Variants in NR1I2 observed in about 807,000 individuals in gnomAD.
NR1I2 encodes the protein nuclear receptor subfamily 1 group I member 2, also known as orphan nuclear receptor PAR1.
In NR1I2, 42 loss-of-function variants were observed where a neutral mutation model predicts 43.3. That is an observed-to-expected ratio of 0.97 (90% CI 0.76 to 1.26). The LOEUF is 1.26. Among genes scored for constraint, NR1I2 ranks in the 50% most tolerant of loss-of-function variants. The pLI, the probability that NR1I2 is intolerant of heterozygous loss-of-function variation, is 0.00. For missense variants in NR1I2, 559 were observed against 566.7 expected (o/e 0.99, Z 0.14); for synonymous variants, 229 against 215.0 (o/e 1.06, Z -0.57).
intron 5 of NR1I2, among the ~76,000 whole-genome samples, chr3:119,814,414 C>T (rs922223568): frequency 3.8e-4 from 58 of 152,130 alleles, no homozygotes; most frequent in African/African-American, 1.3e-3. Context: ...TGCAGGGAAA[C>T]AGTAGAAATA....
chr3:119,806,398 G>T (rs180785302), intron 1 of NR1I2, among the ~76,000 whole-genome samples: 1 of 152,024 alleles, frequency 6.6e-6, no homozygotes, highest in South Asian at 2.1e-4. Context: ...GATCCTCCCC[G>T]CTCAGCTTCC....
At chr3:119,816,077 T>G (rs1209408037) in intron 8 of NR1I2, among the ~76,000 whole-genome samples, 1 of 152,204 alleles carries the variant, frequency 6.6e-6, no homozygotes, top group African/African-American at 2.4e-5. Flanking sequence ...TGTGACCTAC[T>G]GCCCAGACTG....
At chr3:119,783,047 G>A (rs955467302) in intron 1 of NR1I2, among the ~76,000 whole-genome samples, 1 of 152,114 alleles carries the variant, frequency 6.6e-6, no homozygotes, top group Admixed American at 6.5e-5. Flanking sequence ...AGGCCACTGA[G>A]TCTTGACTCA....
intron 1 of NR1I2, among the ~76,000 whole-genome samples, chr3:119,804,107 C>T (rs1204205963): frequency 2.0e-5 from 3 of 151,052 alleles, no homozygotes; most frequent in Admixed American, 6.6e-5. Context: ...CACGGTGGCT[C>T]ACGCCTGTAA....
In NR1I2 at chr3:119,815,028, G is replaced by C. The variant is rs367648421; in HGVS notation, c.844G>C (p.Glu282Gln). ...CTCCCTGCTGAAGGGGGCCGCTTTC[G>C]AGCTGTGTCAACTGAGATTCAACAC... Residue 282 changes from glutamate to glutamine, a missense_variant, in exon 6 of 9, where the codon GAG (glutamate) becomes CAG (glutamine). Glu to Gln is a conservative substitution (Grantham distance 29). Coordinates refer to ENST00000393716, the MANE Select transcript of NR1I2 (RefSeq NM_003889.4). The C allele has an allele frequency of 6.2e-7, 1 of 1,614,184 alleles. No individual in the cohort carries two copies. Among genetic ancestry groups the C allele is most frequent in the Non-Finnish European group, 8.5e-7 (1 of 1,180,022 alleles).
At chr3:119,799,137 C>T (rs1188028220) in intron 1 of NR1I2, among the ~76,000 whole-genome samples, 1 of 152,186 alleles carries the variant, frequency 6.6e-6, no homozygotes, top group East Asian at 1.9e-4. Context: ...TAAGTGGCTG[C>T]ACCATTTTAC....
At chr3:119,794,603 G>T (rs1194132730) in intron 1 of NR1I2, among the ~76,000 whole-genome samples, 1 of 151,696 alleles carries the variant, frequency 6.6e-6, no homozygotes, top group Non-Finnish European at 1.5e-5. Flanking sequence ...GACATTAGAG[G>T]CATGAGCCCC....
At chr3:119,792,126 C>T (rs2054928412) in intron 1 of NR1I2, 17 of 795,022 alleles carry the variant, frequency 2.1e-5, no homozygotes, top group Admixed American at 6.9e-5. Flanking sequence ...CACTAGCCAG[C>T]TTCCTCGCAT....
rs1452514126 is a variant in NR1I2, at chr3:119,782,144, G to T, written c.-179G>T. On this transcript the variant is annotated 5_prime_UTR_variant, in exon 1 of 9. Transcript: ENST00000393716. ...CTCGGCCTCAGCCTGCAAGCCAAGT[G>T]TTCACAGTGAGAAAAGCAAGAGAAT... The T allele has an allele frequency of 4.6e-5, 7 of 152,514 alleles. No homozygotes were observed. The highest frequency in any genetic ancestry group is 1.7e-4 in the African/African-American group (7 of 41,458). 9.4% of individuals were successfully genotyped at this position (152,514 alleles called of 1,614,324 possible).
chr3:119,796,176 T>A (rs565264487), intron 1 of NR1I2, among the ~76,000 whole-genome samples: 1 of 152,356 alleles, frequency 6.6e-6, no homozygotes, highest in East Asian at 1.9e-4. Flanking sequence ...ATCTACCCTG[T>A]ACCACTGAGT....
At chr3:119,785,494 A>G (rs1048055649) in intron 1 of NR1I2, among the ~76,000 whole-genome samples, 1 of 152,322 alleles carries the variant, frequency 6.6e-6, no homozygotes, top group African/African-American at 2.4e-5. Flanking sequence ...ACCCAGAGCC[A>G]AGGCTGAGAA....
intron 2 of NR1I2, among the ~76,000 whole-genome samples, chr3:119,808,535 A>G (rs540510241): frequency 2.6e-5 from 4 of 152,382 alleles, no homozygotes; most frequent in African/African-American, 7.2e-5. Context: ...CTGCTGGCAC[A>G]GAAGAGGCTG....
intron 1 of NR1I2, among the ~76,000 whole-genome samples, chr3:119,805,865 C>T (rs2055152306): frequency 6.6e-6 from 1 of 152,144 alleles, no homozygotes; most frequent in East Asian, 1.9e-4. Flanking sequence ...GTCTGCAAGC[C>T]TACATAAAGT....
intron 1 of NR1I2, chr3:119,792,287 G>A (rs2054931204): frequency 6.7e-7 from 1 of 1,491,128 alleles, no homozygotes; most frequent in Non-Finnish European, 9.3e-7. Context: ...ACCTTATGGA[G>A]CGAGCAGCCA....
At chr3:119,788,597 T>C (rs2054876472) in intron 1 of NR1I2, among the ~76,000 whole-genome samples, 1 of 151,904 alleles carries the variant, frequency 6.6e-6, no homozygotes, top group Admixed American at 6.6e-5. Flanking sequence ...GTCACCACAC[T>C]TGGCTAATTT....
chr3:119,782,780 A>G (rs1343746216), intron 1 of NR1I2: 2 of 1,614,080 alleles, frequency 1.2e-6, no homozygotes, highest in East Asian at 2.2e-5. Context: ...AGGACTCACC[A>G]CTTCAAGGAG....
intron 1 of NR1I2, 120 bp from the exon 2 acceptor site, chr3:119,807,109 C>T (rs1363060078): frequency 1.2e-6 from 1 of 850,522 alleles, no homozygotes; most frequent in East Asian, 2.7e-5. Context: ...CATGAGAGGT[C>T]AGCTCCCGAG....
rs750767310 is a variant in NR1I2 at position 119,817,135 on chromosome 3, C to T, written c.1228C>T (p.Arg410Trp). 6.8e-6 allele frequency: 11 copies of T among 1,614,172 alleles called. No individual in the cohort carries two copies. The highest frequency in any genetic ancestry group is 6.7e-5 in the Admixed American group (4 of 60,030). Residue 410 changes from arginine (R) to tryptophan (W), a missense_variant, in exon 9 of 9, where the codon CGG becomes TGG. Physicochemically the swap from Arg to Trp is moderately radical, Grantham distance 101 (BLOSUM62 -3). Coordinates refer to ENST00000393716, the MANE Select transcript of NR1I2 (RefSeq NM_003889.4). ...CAGCATCAATGCTCAGCACACCCAGCGGCTGCTGCGCATCCAGGACATACA... is the reference window on the plus strand; with the variant it reads ...CAGCATCAATGCTCAGCACACCCAGTGGCTGCTGCGCATCCAGGACATACA...
At chr3:119,791,991 A>T in intron 1 of NR1I2, 1 of 700,692 alleles carries the variant, frequency 1.4e-6, no homozygotes, top group Non-Finnish European at 2.7e-6. Flanking sequence ...TCACTTTCTC[A>T]TACCATGGGT....
Sources: allele counts gnomAD v4.1 joint callset (sites outside exome capture counted in the v4.1 genomes callset), GRCh38; gene constraint gnomAD v4.1.1; transcripts MANE v1.5; gene names NCBI Gene and HGNC (gene_info 2026-07-23, HGNC 2026-07-21).